The following CARD19 variants were observed in gnomAD, a reference collection of about 807,000 sequenced individuals.
The protein encoded by CARD19 is caspase recruitment domain family member 19.
A neutral mutation model predicts 24.1 loss-of-function variants in CARD19; 25 were observed. The ratio of observed to expected loss-of-function variants is 1.04; its 90% CI spans 0.76 to 1.45. CARD19 has a LOEUF of 1.45. Ranked by LOEUF, CARD19 falls within the 40% of genes most tolerant of loss-of-function variation. The pLI is 0.00. For missense variants in CARD19, 241 were observed against 247.4 expected, an observed-to-expected ratio of 0.97 and a Z score of 0.17; for synonymous variants, 103 against 104.9, an observed-to-expected ratio of 0.98 and a Z score of 0.11.
intron 1 of CARD19, among the ~76,000 whole-genome samples, chr9:93,098,213 C>T (rs1475516726): frequency 1.3e-5 from 2 of 152,208 alleles, no homozygotes; most frequent in Non-Finnish European, 2.9e-5. Context: ...GGTTGATGCC[C>T]AAGTGTCTGG....
At chr9:93,110,864 T>G (rs1208106449) in intron 3 of CARD19, 143 bp downstream of exon 3, 2 of 1,532,358 alleles carry the variant, frequency 1.3e-6, no homozygotes, top group East Asian at 4.9e-5. Flanking sequence ...CCTCAGCCCC[T>G]CCCCAGAGGC....
At position 93,096,607 on chromosome 9, in the gene CARD19, C is replaced by T. The variant is rs1826871464; in HGVS notation, c.7+255C>T. ...GATGGGTGGTGGCCAGGTGCGGGGCCCGAAGAGGGCGGGGGCTACAAGGCA... is the reference window on the plus strand; with the variant it reads ...GATGGGTGGTGGCCAGGTGCGGGGCTCGAAGAGGGCGGGGGCTACAAGGCA... On this transcript the variant is annotated intron_variant, in intron 1 of 5. Transcript: ENST00000375464. The surrounding 1 kb of genome is among the most constrained non-coding windows in gnomAD (Gnocchi z 5.4). Among the ~76,000 whole-genome samples, 1 of 151,924 alleles carries T rather than the reference C, an allele frequency of 6.6e-6. No individual in the cohort carries two copies. The highest frequency in any genetic ancestry group is 1.5e-5 in the Non-Finnish European group (1 of 68,002).
intron 1 of CARD19, among the ~76,000 whole-genome samples, chr9:93,101,733 G>A (rs1259751889): frequency 2.0e-5 from 3 of 150,656 alleles, no homozygotes; most frequent in South Asian, 2.1e-4. Flanking sequence ...CCACCGTGCC[G>A]GCCATCACAG....
rs1267065546 is a variant in CARD19, at chr9:93,096,978, C to T, written c.7+626C>T. On this transcript the variant is annotated intron_variant, in intron 1 of 5. Transcript: ENST00000375464. The surrounding 1 kb of genome is among the most constrained non-coding windows in gnomAD (Gnocchi z 5.4). Reference sequence around the variant, plus strand: ...GACCCCCCAAGGTTGTTGTGCTCCACGCTAGTGGCCCCAGCCCAGCCTTCC... The same window carrying T: ...GACCCCCCAAGGTTGTTGTGCTCCATGCTAGTGGCCCCAGCCCAGCCTTCC... Among the ~76,000 whole-genome samples the T allele has an allele frequency of 6.6e-6, 1 of 152,156 alleles. No homozygotes were observed. Among genetic ancestry groups the T allele is most frequent in the Non-Finnish European group, 1.5e-5 (1 of 68,004 alleles).
At chr9:93,111,527 C>T (rs376056378) in intron 3 of CARD19, 17 of 1,168,996 alleles carry the variant, frequency 1.5e-5, no homozygotes, top group South Asian at 1.4e-4. Context: ...AGACGGTGGG[C>T]GGGGAGAGCT....
rs1236807101 is a variant in CARD19 at position 93,096,354 on chromosome 9, TGG to T, written c.7+4_7+5del. On this transcript the variant is annotated splice_donor_region_variant and intron_variant, in intron 1 of 5. Transcript: ENST00000375464. This position sits in a 1 kb window ranked among gnomAD's most constrained non-coding sequence, Gnocchi z 5.4. Reference sequence around the variant, plus strand: ...GCGCTGTGTCCGTCGCCATGACAGGTGGGCACGGGGTCGGCTGGGCGGCAGGG... The same window carrying T: ...GCGCTGTGTCCGTCGCCATGACAGGTGCACGGGGTCGGCTGGGCGGCAGGG... 10 of 1,225,686 alleles carry T rather than the reference TGG, an allele frequency of 8.2e-6. No individual in the cohort carries two copies. The highest frequency in any genetic ancestry group is 1.0e-5 in the Non-Finnish European group (10 of 984,082). 75.9% of individuals were successfully genotyped at this position (1,225,686 alleles called of 1,614,324 possible).
At chr9:93,109,150 A>G (rs991220516) in intron 2 of CARD19, 1 of 152,248 alleles carries the variant, frequency 6.6e-6, no homozygotes, top group Non-Finnish European at 1.5e-5. Context: ...GCTCAAATCC[A>G]AATCTCTTAT....
Position 93,096,368 on chromosome 9 carries a change from G to C in CARD19, c.7+16G>C, listed in dbSNP as rs940029706. On this transcript the variant is annotated intron_variant, in intron 1 of 5. Transcript: ENST00000375464. This position sits in a 1 kb window ranked among gnomAD's most constrained non-coding sequence, Gnocchi z 5.4. ...GCCATGACAGGTGGGCACGGGGTCG[G>C]CTGGGCGGCAGGGATGCGGGCGCCC... 8.2e-7 allele frequency: 1 copy of C among 1,225,742 alleles called. No individual in the cohort carries two copies. Among genetic ancestry groups the C allele is most frequent in the Non-Finnish European group, 1.0e-6 (1 of 983,916 alleles). The allele number at this position is 1,225,742 out of a possible 1,614,324, so 75.9% of individuals were successfully genotyped here. A position where few individuals can be genotyped will look rare whatever the true frequency, so the allele number is the denominator to read the frequency against.
chr9:93,113,136 C>T lies in CARD19; in HGVS notation c.*29C>T, dbSNP rs1270473277. On this transcript the variant is annotated 3_prime_UTR_variant, in exon 6 of 6. Transcript: ENST00000375464. ...ACCCTGGACCCAGGGCCTCACCTGC[C>T]ACTCAACCAAAGAGTCCTCGAGCCG... 1 of 1,467,458 alleles carries T rather than the reference C, an allele frequency of 6.8e-7. No homozygotes were observed. The highest frequency in any genetic ancestry group is 9.3e-7 in the Non-Finnish European group (1 of 1,079,226). 90.9% of individuals were successfully genotyped at this position (1,467,458 alleles called of 1,614,324 possible).
In CARD19 at chr9:93,096,265, G is replaced by A; in HGVS notation, c.-81G>A. 8.2e-7 allele frequency: 1 copy of A among 1,214,908 alleles called. No individual in the cohort carries two copies. The highest frequency in any genetic ancestry group is 1.0e-6 in the Non-Finnish European group (1 of 975,148). 75.3% of individuals were successfully genotyped at this position (1,214,908 alleles called of 1,614,324 possible). A position where few individuals can be genotyped will look rare whatever the true frequency, so the allele number is the denominator to read the frequency against. ...CCGCGGGCGGCGTTCGCTGGAGCTGGTGGACCGGGCGGCTGACCGAGGGGC... is the reference window on the plus strand; with the variant it reads ...CCGCGGGCGGCGTTCGCTGGAGCTGATGGACCGGGCGGCTGACCGAGGGGC... On this transcript the variant is annotated 5_prime_UTR_variant, in exon 1 of 6. It adds an upstream start codon to the 5' untranslated region. Transcript: ENST00000375464. This position sits in a 1 kb window ranked among gnomAD's most constrained non-coding sequence, Gnocchi z 5.4.
chr9:93,109,991 G>A (rs1273174477), intron 2 of CARD19: 1 of 154,018 alleles, frequency 6.5e-6, no homozygotes, highest in East Asian at 2.0e-4. Flanking sequence ...GATGTCACCA[G>A]CCCTGTGCTT....
Position 93,113,099 on chromosome 9 carries a change from G to A in CARD19, c.544G>A (p.Gly182Arg). Residue 182 changes from glycine to arginine, a missense_variant, in exon 6 of 6, where the codon GGG becomes AGG. Physicochemically the swap from Gly to Arg is moderately radical, Grantham distance 125. Transcript: ENST00000375464. ...GGCCTTCCTGGCAGATGACCTAGGG[G>A]GGCTCTGACAGACCCTGGACCCAGG... is the stretch of plus-strand genomic sequence containing the variant. The part of the protein sequence containing the change: ...LLAFLADDLG[G>R]L 7 of 1,570,490 alleles carry A rather than the reference G, an allele frequency of 4.5e-6. No individual in the cohort carries two copies. The highest frequency in any genetic ancestry group is 6.1e-6 in the Non-Finnish European group (7 of 1,156,944).
In CARD19 at chr9:93,111,672, G is replaced by A. The variant is rs1827490699; in HGVS notation, c.305-207G>A. 8.0e-6 allele frequency: 11 copies of A among 1,383,326 alleles called. No homozygotes were observed. In the South Asian group the frequency reaches 1.8e-4, roughly 22 times the overall value. The allele number at this position is 1,383,326 out of a possible 1,614,324, so 85.7% of individuals were successfully genotyped here. ...GTAGAGCACCTTCTGTGGCTCCCGGGTGCCTTTAGGCCCGTCCAGGAGTTG... is the reference window on the plus strand; with the variant it reads ...GTAGAGCACCTTCTGTGGCTCCCGGATGCCTTTAGGCCCGTCCAGGAGTTG... On this transcript the variant is annotated intron_variant, in intron 3 of 5. Coordinates refer to ENST00000375464, the MANE Select transcript of CARD19 (RefSeq NM_032310.5).
chr9:93,113,179 CTGCT>C lies in CARD19; in HGVS notation c.*74_*77del. 1.1e-6 allele frequency: 1 copy of C among 903,304 alleles called. No individual in the cohort carries two copies. Among genetic ancestry groups the C allele is most frequent in the Non-Finnish European group, 1.7e-6 (1 of 599,074 alleles). The allele number at this position is 903,304 out of a possible 1,614,324, so 56.0% of individuals were successfully genotyped here. A position where few individuals can be genotyped will look rare whatever the true frequency, so the allele number is the denominator to read the frequency against. ...TCGAGCCGGCCCGCCAAGGGGACTG[CTGCT>C]TCTTTTTCTAAATGCATATTTTTCA... On this transcript the variant is annotated 3_prime_UTR_variant, in exon 6 of 6. Transcript: ENST00000375464.
Position 93,111,766 on chromosome 9 carries a change from G to A in CARD19, c.305-113G>A. 6.6e-6 allele frequency: 10 copies of A among 1,515,920 alleles called. No homozygotes were observed. The South Asian group carries it at 1.2e-4, about 19-fold the overall frequency. The allele number at this position is 1,515,920 out of a possible 1,614,324, so 93.9% of individuals were successfully genotyped here. On this transcript the variant is annotated intron_variant, in intron 3 of 5. Transcript: ENST00000375464. ...GGCTAGCCTCAGGTGCCACAGCCTG[G>A]TTCGGCCTGGCGGCCCCAGGAGGCA...
intron 1 of CARD19, among the ~76,000 whole-genome samples, chr9:93,100,946 A>G (rs1000109637): frequency 3.9e-5 from 6 of 152,230 alleles, no homozygotes; most frequent in Non-Finnish European, 7.3e-5. Flanking sequence ...GTACATAGGT[A>G]TATACCACAT....
At chr9:93,107,392 G>T (rs920387509) in intron 1 of CARD19, among the ~76,000 whole-genome samples, 1 of 152,208 alleles carries the variant, frequency 6.6e-6, no homozygotes, top group Non-Finnish European at 1.5e-5. Flanking sequence ...TAGATTCTTC[G>T]CCCCTCTGAG....
At chr9:93,108,001 TG>T (rs1456905235) in intron 2 of CARD19, among the ~76,000 whole-genome samples, 185 bp downstream of exon 2, 1 of 152,208 alleles carries the variant, frequency 6.6e-6, no homozygotes, top group Non-Finnish European at 1.5e-5. Context: ...ACTGGCCCTT[TG>T]GGGTGAGCCC....
At chr9:93,108,503 G>A (rs931601140) in intron 2 of CARD19, among the ~76,000 whole-genome samples, 3 of 152,078 alleles carry the variant, frequency 2.0e-5, no homozygotes, top group South Asian at 2.1e-4. Flanking sequence ...AGTGGACACC[G>A]AGAGCCCCTG....
Sources: allele counts gnomAD v4.1 joint callset (sites outside exome capture counted in the v4.1 genomes callset), GRCh38; gene constraint gnomAD v4.1.1; non-coding constraint Gnocchi (gnomAD v3.1); transcripts MANE v1.5; gene names NCBI Gene and HGNC (gene_info 2026-07-23, HGNC 2026-07-21).